Variants in KCND3 observed in about 807,000 individuals in gnomAD.
KCND3 encodes the protein A-type voltage-gated potassium channel KCND3.
A neutral mutation model predicts 51.1 loss-of-function variants in KCND3; 9 were observed. The ratio of observed to expected loss-of-function variants is 0.18; its 90% confidence interval spans 0.11 to 0.31. The LOEUF is 0.31. Among genes scored for constraint, KCND3 ranks in the 10% least tolerant of loss-of-function variants. The probability of loss-of-function intolerance (pLI) is 1.00; values close to 1 mark genes in which losing one functional copy is unlikely to be tolerated. For missense variants in KCND3, 526 were observed against 903.8 expected (o/e 0.58, Z 5.36); for synonymous variants, 349 against 368.0 (o/e 0.95, Z 0.59).
At chr1:111,902,864 C>A (rs142554604) in intron 2 of KCND3, among the ~76,000 whole-genome samples, 3 of 152,222 alleles carry the variant, frequency 2.0e-5, no homozygotes, top group Middle Eastern at 3.4e-3. Flanking sequence ...TTCATATATC[C>A]CCCTGCCCAT....
At chr1:111,850,631 G>A (rs4839176) in intron 2 of KCND3, among the ~76,000 whole-genome samples, 25,354 of 152,164 alleles carry the variant, frequency 0.17, 2,662 homozygotes, top group East Asian at 0.5. Flanking sequence ...AAGATAGCCC[G>A]CAGGGGATTC....
At chr1:111,809,856 G>A (rs7548013) in intron 2 of KCND3, among the ~76,000 whole-genome samples, 12,447 of 152,192 alleles carry the variant, frequency 0.082, 893 homozygotes, top group African/African-American at 0.18. Context: ...TCAGCTCCAG[G>A]GAGATGAAAT....
At chr1:111,797,180 C>G (rs1167770264) in intron 2 of KCND3, among the ~76,000 whole-genome samples, 1 of 152,232 alleles carries the variant, frequency 6.6e-6, no homozygotes, top group African/African-American at 2.4e-5. Context: ...CTAGGCATCA[C>G]TGATGTTGGT....
intron 2 of KCND3, among the ~76,000 whole-genome samples, chr1:111,930,435 C>T (rs1671911292): frequency 6.6e-6 from 1 of 152,232 alleles, no homozygotes; most frequent in Non-Finnish European, 1.5e-5. Context: ...CAGGAAGGCA[C>T]AAGGTGTTCC....
chr1:111,908,293 A>G (rs1369351684), intron 2 of KCND3, among the ~76,000 whole-genome samples: 1 of 152,246 alleles, frequency 6.6e-6, no homozygotes, highest in Non-Finnish European at 1.5e-5. Flanking sequence ...TTTACTAGTG[A>G]GTAAATCAAA....
chr1:111,955,476 G>A (rs1451368196), intron 2 of KCND3, among the ~76,000 whole-genome samples: 1 of 152,174 alleles, frequency 6.6e-6, no homozygotes, highest in East Asian at 1.9e-4. Context: ...GGTGTCCCTG[G>A]GAGGGTAAAT....
chr1:111,935,399 A>G (rs1672171164), intron 2 of KCND3, among the ~76,000 whole-genome samples: 1 of 152,096 alleles, frequency 6.6e-6, no homozygotes, highest in African/African-American at 2.4e-5. Flanking sequence ...CAGATAATTG[A>G]CTTGCCTGTT....
At chr1:111,817,632 A>G (rs1036119766) in intron 2 of KCND3, among the ~76,000 whole-genome samples, 2 of 152,168 alleles carry the variant, frequency 1.3e-5, no homozygotes, top group African/African-American at 4.8e-5. Flanking sequence ...CTAGCACCCT[A>G]CCCATCTTCT....
intron 2 of KCND3, among the ~76,000 whole-genome samples, chr1:111,871,210 A>T (rs1018625477): frequency 6.6e-6 from 1 of 152,206 alleles, no homozygotes; most frequent in Non-Finnish European, 1.5e-5. Flanking sequence ...GTAAGTAGAG[A>T]GTAACTGAAT....
chr1:111,813,238 G>C (rs981673293), intron 2 of KCND3, among the ~76,000 whole-genome samples: 1 of 152,204 alleles, frequency 6.6e-6, no homozygotes, highest in African/African-American at 2.4e-5. Context: ...TGGAACCCTA[G>C]CAAGGATCAG....
intron 2 of KCND3, among the ~76,000 whole-genome samples, chr1:111,891,398 G>T (rs1017308333): frequency 7.2e-5 from 11 of 152,336 alleles, no homozygotes; most frequent in African/African-American, 2.6e-4. Flanking sequence ...CAGAATGTCT[G>T]AGTGCCAGCC....
rs769051410 is a variant in KCND3 at position 111,780,319 on chromosome 1, TA to T, written c.1372-6del. The T allele has an allele frequency of 1.3e-6, 2 of 1,559,524 alleles. No individual in the cohort carries two copies. The highest frequency in any genetic ancestry group is 1.9e-5 in the Admixed American group (1 of 51,954). ...GTGCTCCTCTTCTGGGGTGCCCTAG[TA>T]AAAAAAGAAGAGAGATTGAGTAAAA... On this transcript the variant is annotated splice_polypyrimidine_tract_variant and splice_region_variant and intron_variant, in intron 4 of 7. Transcript: ENST00000302127. This position sits in a 1 kb window ranked among gnomAD's most constrained non-coding sequence, Gnocchi z 4.2.
chr1:111,904,469 GTGTTC>G (rs1670545590), intron 2 of KCND3, among the ~76,000 whole-genome samples: 1 of 152,144 alleles, frequency 6.6e-6, no homozygotes, highest in Non-Finnish European at 1.5e-5. Flanking sequence ...CTTTTTGCCT[GTGTTC>G]TTTTAACCCT....
At chr1:111,824,523 A>T (rs916148547) in intron 2 of KCND3, among the ~76,000 whole-genome samples, 3 of 152,228 alleles carry the variant, frequency 2.0e-5, no homozygotes, top group Non-Finnish European at 2.9e-5. Flanking sequence ...TTAGAAAGGG[A>T]GATGAGCAAG....
At chr1:111,785,623 C>T (rs653170) in intron 3 of KCND3, among the ~76,000 whole-genome samples, 73,137 of 151,980 alleles carry the variant, frequency 0.48, 19,699 homozygotes, top group African/African-American at 0.74. Flanking sequence ...GGATTCACTA[C>T]ACAATTATAT....
rs138327844 is a variant in KCND3, at chr1:111,860,036, T to C, written c.1107-72930A>G. Among the ~76,000 whole-genome samples the C allele has an allele frequency of 4.0e-3, 608 of 152,358 alleles. 5 individuals carry two copies. Among genetic ancestry groups the C allele is most frequent in the African/African-American group, 0.014 (571 of 41,584 alleles). The stretch of plus-strand genomic sequence containing the variant: ...ACAATCAGGAACGATCCTGAGGTCA[T>C]AACTTCATTGGTGCTATTCTGATAT... On this transcript the variant is annotated intron_variant, in intron 2 of 7. Transcript: ENST00000302127.
chr1:111,794,358 G>C (rs974807527), intron 2 of KCND3, among the ~76,000 whole-genome samples: 1 of 152,200 alleles, frequency 6.6e-6, no homozygotes, highest in African/African-American at 2.4e-5. Context: ...CCTCTCAGGT[G>C]GGGGCACGGC....
At chr1:111,920,592 C>T (rs886109570) in intron 2 of KCND3, among the ~76,000 whole-genome samples, 48 of 152,238 alleles carry the variant, frequency 3.2e-4, no homozygotes, top group African/African-American at 1.2e-3. Context: ...AGCGAAGGGG[C>T]AGCTGCAGCC....
At chr1:111,895,169 A>C (rs1670043331) in intron 2 of KCND3, among the ~76,000 whole-genome samples, 1 of 127,016 alleles carries the variant, frequency 7.9e-6, no homozygotes. Flanking sequence ...AGGAGGGGGA[A>C]GGAGGGAGAC....
Sources: gnomAD v4.1 joint callset for allele counts (sites outside exome capture counted in the v4.1 genomes callset) on GRCh38, gnomAD v4.1.1 for gene constraint, Gnocchi (gnomAD v3.1) non-coding constraint, MANE v1.5 for transcripts, NCBI Gene and HGNC (gene_info 2026-07-23, HGNC 2026-07-21) for gene names.